SDK1: variants seen among roughly 807,000 people sequenced by gnomAD.
SDK1 encodes sidekick cell adhesion molecule 1, also known as protein sidekick-1.
In SDK1, 157 loss-of-function variants were observed where a neutral mutation model predicts 245.5. The observed-to-expected ratio is 0.64, with a 90% CI of 0.56 to 0.73. The LOEUF is 0.73. Ranked by LOEUF, SDK1 falls within the 30% of genes least tolerant of loss-of-function variation. The pLI is 0.00. For synonymous variants in SDK1, 1,647 were observed against 1,278.5 expected (o/e 1.29, Z -6.15); for missense variants, 3,583 against 3,002.3 (o/e 1.19, Z -4.52).
At chr7:3,941,059 G>A (rs1780348863) in intron 5 of SDK1, among the ~76,000 whole-genome samples, 1 of 151,846 alleles carries the variant, frequency 6.6e-6, no homozygotes, top group Non-Finnish European at 1.5e-5. Context: ...GCCACTCCCA[G>A]ACCCCCGTCT....
intron 1 of SDK1, among the ~76,000 whole-genome samples, chr7:3,613,907 A>G (rs1193129561): frequency 6.6e-6 from 1 of 152,156 alleles, no homozygotes; most frequent in Non-Finnish European, 1.5e-5. Flanking sequence ...TCCTCCTATA[A>G]GTGGGAGGTA....
Position 4,114,175 on chromosome 7 carries a change from C to T in SDK1, c.3724C>T (p.Leu1242=), listed in dbSNP as rs1783541097. ...RLEREFTIEE[L]EEWMEYELQM... ...GGAGAGAGAATTCACCATCGAGGAG[C>T]TGGAGGAGTGGATGGAATACGAGCT... The change falls in exon 25 of 45, where the codon CTG becomes TTG. Residue 1242 remains leucine (L), a synonymous_variant. Coordinates refer to ENST00000404826, the MANE Select transcript of SDK1 (RefSeq NM_152744.4). 2 of 1,614,032 alleles carry T rather than the reference C, an allele frequency of 1.2e-6. No individual in the cohort carries two copies. Among genetic ancestry groups the T allele is most frequent in the African/African-American group, 2.7e-5 (2 of 74,938 alleles).
At chr7:3,372,385 G>T (rs982475681) in intron 1 of SDK1, among the ~76,000 whole-genome samples, 1 of 152,130 alleles carries the variant, frequency 6.6e-6, no homozygotes, top group Non-Finnish European at 1.5e-5. Flanking sequence ...TCCAGGGCTA[G>T]GCAAATGCTT....
chr7:3,735,956 T>C (rs1779307619), intron 4 of SDK1, among the ~76,000 whole-genome samples: 1 of 152,248 alleles, frequency 6.6e-6, no homozygotes, highest in Admixed American at 6.5e-5. Context: ...TAGCATCTTC[T>C]CATATGCTTT....
chr7:4,152,226 A>G (rs1220560163), intron 30 of SDK1, among the ~76,000 whole-genome samples: 1 of 152,176 alleles, frequency 6.6e-6, no homozygotes, highest in African/African-American at 2.4e-5. Context: ...TCCTGCCAGC[A>G]TCTCACTTGC....
intron 13 of SDK1, chr7:3,974,766 T>C: frequency 4.1e-6 from 2 of 492,336 alleles, no homozygotes; most frequent in Non-Finnish European, 7.2e-6. Context: ...GTAGATGGTG[T>C]GATCATTGGT....
intron 35 of SDK1, among the ~76,000 whole-genome samples, chr7:4,196,265 G>GC (rs1208047480): frequency 6.6e-6 from 1 of 152,152 alleles, no homozygotes; most frequent in African/African-American, 2.4e-5. Context: ...TCCTGTTGCA[G>GC]CCCCGCCCTC....
intron 1 of SDK1, among the ~76,000 whole-genome samples, chr7:3,593,934 C>A (rs1780970690): frequency 1.3e-5 from 2 of 152,164 alleles, no homozygotes; most frequent in Non-Finnish European, 2.9e-5. Context: ...CTAAATATAT[C>A]ATTTTAACAA....
At chr7:4,116,144 C>G (rs764997699) in intron 25 of SDK1, among the ~76,000 whole-genome samples, 1 of 152,218 alleles carries the variant, frequency 6.6e-6, no homozygotes, top group African/African-American at 2.4e-5. Flanking sequence ...AAGGTGGTGC[C>G]GAGGTGGGAG....
chr7:3,982,511 CCTT>C (rs1562616145), intron 13 of SDK1, among the ~76,000 whole-genome samples: 1 of 152,130 alleles, frequency 6.6e-6, no homozygotes, highest in South Asian at 2.1e-4. Context: ...AAATGGAAAA[CCTT>C]CTGGAAAGGA....
chr7:3,819,668 T>C (rs1360744311), intron 4 of SDK1, among the ~76,000 whole-genome samples: 1 of 152,132 alleles, frequency 6.6e-6, no homozygotes, highest in Non-Finnish European at 1.5e-5. Context: ...TATTGAAATA[T>C]TTTTATGAGA....
chr7:3,471,396 T>C (rs570636810), intron 1 of SDK1, among the ~76,000 whole-genome samples: 2 of 152,276 alleles, frequency 1.3e-5, no homozygotes. Flanking sequence ...CTTATTTCTT[T>C]CTGCAAAATC....
At chr7:4,194,390 G>A (rs555812875) in intron 35 of SDK1, among the ~76,000 whole-genome samples, 2 of 111,650 alleles carry the variant, frequency 1.8e-5, no homozygotes, top group African/African-American at 3.8e-5. Context: ...GTGTATACAT[G>A]TATACATATA....
At chr7:3,504,523 G>A (rs560658534) in intron 1 of SDK1, among the ~76,000 whole-genome samples, 13 of 152,204 alleles carry the variant, frequency 8.5e-5, no homozygotes, top group Admixed American at 6.5e-4. Context: ...ATAGTCAATT[G>A]ATTTTCCAGA....
At chr7:3,375,477 A>G (rs1483699494) in intron 1 of SDK1, among the ~76,000 whole-genome samples, 1 of 152,026 alleles carries the variant, frequency 6.6e-6, no homozygotes, top group Non-Finnish European at 1.5e-5. Context: ...CCGTGTATAG[A>G]CTCTCCTTAC....
At chr7:3,860,903 A>G (rs1253160261) in intron 5 of SDK1, among the ~76,000 whole-genome samples, 1 of 152,044 alleles carries the variant, frequency 6.6e-6, no homozygotes, top group Non-Finnish European at 1.5e-5. Context: ...CCTGTCCCCC[A>G]CTTTTTGCCT....
chr7:3,907,698 T>A (rs773634459), intron 5 of SDK1, among the ~76,000 whole-genome samples: 1 of 152,222 alleles, frequency 6.6e-6, no homozygotes, highest in Non-Finnish European at 1.5e-5. Context: ...CAAAATGAAA[T>A]AAATCACAAA....
At chr7:3,304,142 A>C (rs1320656766) in intron 1 of SDK1, among the ~76,000 whole-genome samples, 1 of 152,238 alleles carries the variant, frequency 6.6e-6, no homozygotes, top group African/African-American at 2.4e-5. Context: ...GGGAACCGCC[A>C]GGTTCAGGTC....
At chr7:3,629,138 A>G (rs948783110) in intron 2 of SDK1, among the ~76,000 whole-genome samples, 1 of 145,832 alleles carries the variant, frequency 6.9e-6, no homozygotes, top group African/African-American at 2.5e-5. Flanking sequence ...TAAAAATGCA[A>G]AAAAAAAAAA....
Sources: gnomAD v4.1 joint callset for allele counts (sites outside exome capture counted in the v4.1 genomes callset) on GRCh38, gnomAD v4.1.1 for gene constraint, MANE v1.5 for transcripts, NCBI Gene and HGNC (gene_info 2026-07-23, HGNC 2026-07-21) for gene names.